The following ZFHX3 variants were observed in gnomAD, a reference collection of about 807,000 sequenced individuals.
ZFHX3 encodes the protein zinc finger homeobox protein 3.
A neutral mutation model predicts 279.1 loss-of-function variants in ZFHX3; 42 were observed. The observed-to-expected ratio is 0.15, with a 90% CI of 0.12 to 0.19. The LOEUF (loss-of-function observed/expected upper bound fraction) is 0.19. Ranked by LOEUF, ZFHX3 falls within the 10% of genes least tolerant of loss-of-function variation. ZFHX3 has a pLI of 1.00. For synonymous variants in ZFHX3, 2,293 were observed against 1,957.8 expected (o/e 1.17, Z -4.52); for missense variants, 4,981 against 4,754.0 (o/e 1.05, Z -1.40).
chr16:73,814,036 T>C (rs1158501269), intron 1 of ZFHX3, among the ~76,000 whole-genome samples: 15 of 152,350 alleles, frequency 9.8e-5, no homozygotes, highest in East Asian at 3.8e-4. Flanking sequence ...AATCATCATG[T>C]AGGAATCTGT....
chr16:73,057,667 G>A (rs758348410), intron 1 of ZFHX3, among the ~76,000 whole-genome samples: 1 of 151,742 alleles, frequency 6.6e-6, no homozygotes, highest in African/African-American at 2.4e-5. Flanking sequence ...GCGCAGCCCC[G>A]AGCCCCCGGG....
At chr16:73,544,294 T>C (rs918451991) in intron 2 of ZFHX3, among the ~76,000 whole-genome samples, 20 of 152,196 alleles carry the variant, frequency 1.3e-4, no homozygotes, top group African/African-American at 4.8e-4. Flanking sequence ...CTCTTCTTTT[T>C]AAAAATAGAA....
chr16:73,569,875 A>T (rs2051716445), intron 2 of ZFHX3, among the ~76,000 whole-genome samples: 1 of 152,108 alleles, frequency 6.6e-6, no homozygotes, highest in Non-Finnish European at 1.5e-5. Context: ...CATATTTGGA[A>T]AGTAAAAGAA....
intron 1 of ZFHX3, among the ~76,000 whole-genome samples, chr16:73,744,997 G>A (rs960360892): frequency 6.6e-6 from 1 of 152,156 alleles, no homozygotes; most frequent in Non-Finnish European, 1.5e-5. Context: ...TATTGTGGAA[G>A]TAATTCCTGT....
intron 7 of ZFHX3, among the ~76,000 whole-genome samples, chr16:73,096,347 A>G (rs1966163728): frequency 6.6e-6 from 1 of 151,040 alleles, no homozygotes; most frequent in Non-Finnish European, 1.5e-5. Flanking sequence ...AGCCCTGCAC[A>G]TTTCCTAAAC....
At chr16:73,042,623 G>C (rs962093396) in intron 1 of ZFHX3, among the ~76,000 whole-genome samples, 2 of 152,030 alleles carry the variant, frequency 1.3e-5, no homozygotes, top group Non-Finnish European at 2.9e-5. Flanking sequence ...CATCTACACA[G>C]AACAGCGGGT....
intron 4 of ZFHX3, among the ~76,000 whole-genome samples, chr16:72,868,283 G>A (rs1312319020): frequency 1.3e-5 from 2 of 152,078 alleles, no homozygotes; most frequent in Admixed American, 6.5e-5. Flanking sequence ...ACCCATTCCT[G>A]CCCTTCATCT....
At chr16:73,879,653 AGAGT>A (rs1183411711) in intron 1 of ZFHX3, among the ~76,000 whole-genome samples, 2 of 152,156 alleles carry the variant, frequency 1.3e-5, no homozygotes, top group Non-Finnish European at 1.5e-5. Flanking sequence ...TAGCAAAAAG[AGAGT>A]AAGTTCCTGC....
chr16:73,125,804 G>GTA (rs1385715666), intron 7 of ZFHX3, among the ~76,000 whole-genome samples: 9 of 151,280 alleles, frequency 5.9e-5, no homozygotes, highest in Admixed American at 2.6e-4. Flanking sequence ...GTGTATATAT[G>GTA]TATATATATA....
chr16:73,577,983 TGC>T (rs2051818406), intron 2 of ZFHX3, among the ~76,000 whole-genome samples: 2 of 152,248 alleles, frequency 1.3e-5, no homozygotes. Flanking sequence ...ATGTTGAGCT[TGC>T]TGACTGACGT....
At chr16:73,029,935 C>T (rs550275989) in intron 1 of ZFHX3, among the ~76,000 whole-genome samples, 2 of 152,318 alleles carry the variant, frequency 1.3e-5, no homozygotes, top group South Asian at 2.1e-4. Flanking sequence ...TGCACATAAA[C>T]ACACTTGAAT....
In ZFHX3 at chr16:73,414,059, G is replaced by A. The variant is rs117427394; in HGVS notation, c.-1291+41944C>T. Among the ~76,000 whole-genome samples the A allele has an allele frequency of 3.4e-3, 519 of 152,322 alleles. 1 individual carries two copies. Among genetic ancestry groups the A allele is most frequent in the Non-Finnish European group, 4.7e-3 (322 of 68,028 alleles). ...AAACAAAAAAACTGTTTAACCTTTC[G>A]CAGTTCACACTTTGACCACAGGACT... On this transcript the variant is annotated intron_variant, in intron 3 of 17. Coordinates refer to the ZFHX3 transcript ENST00000641206.
Position 72,798,088 on chromosome 16 carries a change from T to C in ZFHX3, c.4594A>G (p.Asn1532Asp), listed in dbSNP as rs561343106. 1 of 1,614,226 alleles carries C rather than the reference T, an allele frequency of 6.2e-7. No individual in the cohort carries two copies. Among genetic ancestry groups the C allele is most frequent in the African/African-American group, 1.3e-5 (1 of 75,050 alleles). ...TCTAGGAACTTTTCCATAGTAAAAT[T>C]GGGACCTTTTCTGAAAGGCAGAGCT... ...KRALPFRKGP[N>D]FTMEKFLDPS... is the part of the protein sequence containing the mutation. The change falls in exon 9 of 10, where the codon AAT becomes GAT. Residue 1532 changes from asparagine to aspartate, a missense_variant. Transcript: ENST00000268489.
chr16:73,455,939 G>A (rs974572000), intron 3 of ZFHX3: 1 of 151,628 alleles, frequency 6.6e-6, no homozygotes, highest in African/African-American at 2.4e-5. Context: ...ACCACATTGC[G>A]TTATTTATTT....
At position 72,811,736 on chromosome 16, in the gene ZFHX3, G is replaced by T; in HGVS notation, c.3705C>A (p.Val1235=). 1.2e-6 allele frequency: 2 copies of T among 1,614,084 alleles called. No individual in the cohort carries two copies. The highest frequency in any genetic ancestry group is 1.7e-6 in the Non-Finnish European group (2 of 1,180,004). ...CPYCKYSNAD[V]NRLRVHAMTQ... is the part of the protein sequence containing the mutation. Reference sequence around the variant, plus strand: ...TCATGGCATGCACCCGGAGCCGGTTGACATCGGCATTACTGTACTTGCAGT... The same window carrying T: ...TCATGGCATGCACCCGGAGCCGGTTTACATCGGCATTACTGTACTTGCAGT... Residue 1235 remains valine (V), a synonymous_variant, in exon 7 of 10, where the codon GTC becomes GTA. Coordinates refer to ENST00000268489, the MANE Select transcript of ZFHX3 (RefSeq NM_006885.4).
intron 4 of ZFHX3, among the ~76,000 whole-genome samples, chr16:72,878,031 A>G (rs1430959463): frequency 6.6e-6 from 1 of 152,012 alleles, no homozygotes; most frequent in Non-Finnish European, 1.5e-5. Context: ...CCTGTCTACA[A>G]ATGAAAAAAC....
chr16:73,427,841 G>C (rs929657382), intron 3 of ZFHX3, among the ~76,000 whole-genome samples: 1 of 152,098 alleles, frequency 6.6e-6, no homozygotes, highest in Non-Finnish European at 1.5e-5. Flanking sequence ...TACTCGGGAG[G>C]CTGAGGCAGG....
intron 5 of ZFHX3, among the ~76,000 whole-genome samples, chr16:73,167,714 G>T (rs2144862594): frequency 6.6e-6 from 1 of 152,308 alleles, no homozygotes; most frequent in Admixed American, 6.5e-5. Flanking sequence ...GAACTGCAGA[G>T]ATTCAAGAGA....
chr16:73,559,262 G>A (rs2020334338), intron 2 of ZFHX3, among the ~76,000 whole-genome samples: 1 of 151,986 alleles, frequency 6.6e-6, no homozygotes, highest in Non-Finnish European at 1.5e-5. Flanking sequence ...TTCCCAGGCT[G>A]GTCTCAAACT....
Sources: gnomAD v4.1 joint callset for allele counts (sites outside exome capture counted in the v4.1 genomes callset) on GRCh38, gnomAD v4.1.1 for gene constraint, MANE v1.5 for transcripts, NCBI Gene and HGNC (gene_info 2026-07-23, HGNC 2026-07-21) for gene names.